The following MAGI3 variants were observed in gnomAD, a reference collection of about 807,000 sequenced individuals.
MAGI3 encodes membrane-associated guanylate kinase, WW and PDZ domain-containing protein 3.
Under a neutral mutation model 121.8 loss-of-function variants are expected in MAGI3, and 43 were observed. That is an observed-to-expected ratio of 0.35 (90% CI 0.28 to 0.46). The LOEUF (loss-of-function observed/expected upper bound fraction) is 0.46. Ranked by LOEUF, MAGI3 falls within the 20% of genes least tolerant of loss-of-function variation. The pLI is 1.00. For synonymous variants in MAGI3, 553 were observed against 639.3 expected (o/e 0.86, Z 2.04); for missense variants, 1,547 against 1,797.3 (o/e 0.86, Z 2.52).
At chr1:113,507,535 C>T (rs1479536970) in intron 1 of MAGI3, among the ~76,000 whole-genome samples, 2 of 151,952 alleles carry the variant, frequency 1.3e-5, no homozygotes, top group Non-Finnish European at 2.9e-5. Flanking sequence ...TTTTCTTAGA[C>T]CACCCAAATA....
At chr1:113,638,392 G>A (rs1038765408) in intron 9 of MAGI3, among the ~76,000 whole-genome samples, 21 of 152,332 alleles carry the variant, frequency 1.4e-4, no homozygotes, top group Admixed American at 1.4e-3. Context: ...TGATGGTGAT[G>A]TACAGATGGG....
At chr1:113,398,560 G>C (rs1157590052) in intron 1 of MAGI3, among the ~76,000 whole-genome samples, 1 of 151,908 alleles carries the variant, frequency 6.6e-6, no homozygotes, top group Non-Finnish European at 1.5e-5. Context: ...TTATTTTCTG[G>C]CTTCAGGGGA....
intron 1 of MAGI3, among the ~76,000 whole-genome samples, chr1:113,407,053 G>A (rs927490866): frequency 6.6e-6 from 1 of 152,130 alleles, no homozygotes; most frequent in African/African-American, 2.4e-5. Context: ...AAAGTGAGAG[G>A]GATCAGATTG....
chr1:113,592,047 G>A (rs1441124657), intron 5 of MAGI3, among the ~76,000 whole-genome samples: 1 of 151,940 alleles, frequency 6.6e-6, no homozygotes, highest in African/African-American at 2.4e-5. Flanking sequence ...AACACCAAAA[G>A]CACAGGCAAC....
intron 1 of MAGI3, among the ~76,000 whole-genome samples, chr1:113,482,047 A>G (rs11102644): frequency 0.15 from 23,452 of 151,900 alleles, 2,811 homozygotes; most frequent in East Asian, 0.62. Flanking sequence ...CTATGTAATA[A>G]TCATTAATTT....
chr1:113,514,542 G>A (rs533599523), intron 1 of MAGI3, among the ~76,000 whole-genome samples: 3 of 151,012 alleles, frequency 2.0e-5, no homozygotes, highest in East Asian at 3.9e-4. Flanking sequence ...ACCAAACACC[G>A]CATATTCTCA....
At chr1:113,621,789 T>C (rs756154329) in intron 8 of MAGI3, among the ~76,000 whole-genome samples, 12 of 151,514 alleles carry the variant, frequency 7.9e-5, no homozygotes, top group Non-Finnish European at 1.3e-4. Context: ...AATAAAGTAC[T>C]GACATATGCT....
intron 1 of MAGI3, among the ~76,000 whole-genome samples, chr1:113,420,687 G>T (rs1263078929): frequency 6.6e-6 from 1 of 152,182 alleles, no homozygotes; most frequent in African/African-American, 2.4e-5. Context: ...GAAGGCTTTA[G>T]GTGAGGAACA....
chr1:113,450,512 G>C, intron 1 of MAGI3: 1 of 1,016,122 alleles, frequency 9.8e-7, no homozygotes, highest in Non-Finnish European at 1.5e-6. Flanking sequence ...TGGTGGAGGT[G>C]GTGGAGGATA....
intron 2 of MAGI3, among the ~76,000 whole-genome samples, chr1:113,578,561 C>T (rs1647803104): frequency 6.6e-6 from 1 of 152,094 alleles, no homozygotes; most frequent in Non-Finnish European, 1.5e-5. Context: ...GCTAGGACTA[C>T]TGGTGTGCAT....
At chr1:113,419,110 C>T (rs1652603457) in intron 1 of MAGI3, among the ~76,000 whole-genome samples, 1 of 152,032 alleles carries the variant, frequency 6.6e-6, no homozygotes, top group Non-Finnish European at 1.5e-5. Context: ...AAATAGTTTA[C>T]ATGATAAGTA....
chr1:113,568,341 A>T (rs1409176930), intron 2 of MAGI3, among the ~76,000 whole-genome samples: 3 of 152,126 alleles, frequency 2.0e-5, no homozygotes. Flanking sequence ...AAATTGAGGG[A>T]TGCTAAAGAA....
At chr1:113,543,777 A>T (rs1659401392) in intron 1 of MAGI3, among the ~76,000 whole-genome samples, 1 of 151,546 alleles carries the variant, frequency 6.6e-6, no homozygotes, top group African/African-American at 2.4e-5. Context: ...CTGAGGTGGG[A>T]GGATTGCTGG....
At chr1:113,487,112 T>C (rs1448185445) in intron 1 of MAGI3, among the ~76,000 whole-genome samples, 4 of 152,346 alleles carry the variant, frequency 2.6e-5, no homozygotes, top group Non-Finnish European at 4.4e-5. Context: ...ATTTAAACTA[T>C]TAAATATGTA....
At chr1:113,601,465 G>GA (rs1157290438) in intron 6 of MAGI3, among the ~76,000 whole-genome samples, 2 of 147,180 alleles carry the variant, frequency 1.4e-5, no homozygotes, top group Non-Finnish European at 3.0e-5. Context: ...AAAAACACAT[G>GA]AAAAAATGCT....
chr1:113,401,377 G>C (rs1337814358), intron 1 of MAGI3, among the ~76,000 whole-genome samples: 1 of 152,150 alleles, frequency 6.6e-6, no homozygotes, highest in East Asian at 1.9e-4. Context: ...TTTCAAAACA[G>C]AGTTTGTGGC....
intron 1 of MAGI3, among the ~76,000 whole-genome samples, chr1:113,525,950 C>G (rs1658428308): frequency 6.6e-6 from 1 of 151,958 alleles, no homozygotes; most frequent in Non-Finnish European, 1.5e-5. Context: ...TGCAGTGAGC[C>G]AAGATTGCAC....
chr1:113,394,823 T>C (rs1477793442), intron 1 of MAGI3, among the ~76,000 whole-genome samples: 1 of 152,106 alleles, frequency 6.6e-6, no homozygotes, highest in Non-Finnish European at 1.5e-5. Flanking sequence ...GGGATGGAAA[T>C]CATAGGAAAC....
At chr1:113,396,408 A>T (rs2101275683) in intron 1 of MAGI3, among the ~76,000 whole-genome samples, 1 of 152,146 alleles carries the variant, frequency 6.6e-6, no homozygotes, top group Middle Eastern at 3.4e-3. Context: ...ATTTTGAGCA[A>T]TAATTTTCTT....
Sources: gnomAD v4.1 joint callset for allele counts (sites outside exome capture counted in the v4.1 genomes callset) on GRCh38, gnomAD v4.1.1 for gene constraint, MANE v1.5 for transcripts, NCBI Gene and HGNC (gene_info 2026-07-23, HGNC 2026-07-21) for gene names.